The following SNX17 variants were observed in gnomAD, a reference collection of about 807,000 sequenced individuals.
The protein encoded by SNX17 is sorting nexin-17.
Under a neutral mutation model 64.3 loss-of-function variants are expected in SNX17, and 35 were observed. That is an observed-to-expected ratio of 0.54 (90% confidence interval 0.42 to 0.72). The LOEUF (loss-of-function observed/expected upper bound fraction) is 0.72. Ranked by LOEUF, SNX17 falls within the 30% of genes least tolerant of loss-of-function variation. The probability of loss-of-function intolerance (pLI) is 0.00; values close to 1 mark genes in which losing one functional copy is unlikely to be tolerated. For missense variants in SNX17, 538 were observed against 610.0 expected, an observed-to-expected ratio of 0.88 and a Z score of 1.24; for synonymous variants, 259 against 230.2, an observed-to-expected ratio of 1.13 and a Z score of -1.13.
chr2:27,375,872 CAGCCCA>C lies in SNX17; in HGVS notation c.1006_1011del (p.Ser336_Pro337del), dbSNP rs763734832. On this transcript the variant is annotated inframe_deletion, in exon 11 of 15. Transcript: ENST00000233575. The surrounding 1 kb of genome is among the most constrained non-coding windows in gnomAD (Gnocchi z 4.1). ...TACCATTGCCCAGTGGAAGCACGAG[CAGCCCA>C]GGCCGGGGCCGGGGTGAGGTGCGCC... 23 of 1,614,010 alleles carry C rather than the reference CAGCCCA, an allele frequency of 1.4e-5. No individual in the cohort carries two copies. Among genetic ancestry groups the C allele is most frequent in the South Asian group, 6.6e-5 (6 of 91,078 alleles).
chr2:27,377,374 G>T lies in SNX17; in HGVS notation c.*655G>T. 1 of 750,962 alleles carries T rather than the reference G, an allele frequency of 1.3e-6. No individual in the cohort carries two copies. Among genetic ancestry groups the T allele is most frequent in the Non-Finnish European group, 2.3e-6 (1 of 429,492 alleles). The allele number at this position is 750,962 out of a possible 1,614,324, so 46.5% of individuals were successfully genotyped here. ...ACAGGGCCCTTCTCACTGAGCTCGT[G>T]AAGTGCCTCAGTCAAGGCAAGGTCC... On this transcript the variant is annotated 3_prime_UTR_variant, in exon 15 of 15. Coordinates refer to ENST00000233575, the MANE Select transcript of SNX17 (RefSeq NM_014748.4). This position sits in a 1 kb window ranked among gnomAD's most constrained non-coding sequence, Gnocchi z 4.4.
chr2:27,374,651 T>C (rs1682984542), intron 7 of SNX17, 38 bp from the exon 8 acceptor site: 1 of 1,599,148 alleles, frequency 6.3e-7, no homozygotes, highest in Non-Finnish European at 8.6e-7. Context: ...TTAACCCAGC[T>C]TAGCCCCATT....
intron 8 of SNX17, 139 bp downstream of exon 8, chr2:27,374,897 A>G (rs2148401865): frequency 4.1e-6 from 4 of 973,578 alleles, no homozygotes; most frequent in East Asian, 2.5e-5. Flanking sequence ...CTGGCACAAT[A>G]TCTACTCTCC....
chr2:27,375,497 ATTT>A lies in SNX17; in HGVS notation c.775-6_775-4del. 6.2e-7 allele frequency: 1 copy of A among 1,613,672 alleles called. No homozygotes were observed. Among genetic ancestry groups the A allele is most frequent in the Non-Finnish European group, 8.5e-7 (1 of 1,179,950 alleles). Reference sequence around the variant, plus strand: ...CCTAATCTACCCCCATGTGATGACCATTTTTCAGTTCCTGAGACTGGCCCAGAC... The same window carrying A: ...CCTAATCTACCCCCATGTGATGACCATTCAGTTCCTGAGACTGGCCCAGAC... On this transcript the variant is annotated splice_region_variant and splice_polypyrimidine_tract_variant and intron_variant, in intron 9 of 14. Coordinates refer to ENST00000233575, the MANE Select transcript of SNX17 (RefSeq NM_014748.4). The surrounding 1 kb of genome is among the most constrained non-coding windows in gnomAD (Gnocchi z 4.1).
chr2:27,375,093 G>C lies in SNX17; in HGVS notation c.714G>C (p.Leu238Phe). The C allele has an allele frequency of 6.2e-7, 1 of 1,614,124 alleles. No individual in the cohort carries two copies. Among genetic ancestry groups the C allele is most frequent in the Non-Finnish European group, 8.5e-7 (1 of 1,180,022 alleles). Residue 238 changes from leucine (L) to phenylalanine (F), a missense_variant, in exon 9 of 15, where the codon TTG (leucine) becomes TTC (phenylalanine). Physicochemically the swap from Leu to Phe is conservative, Grantham distance 22 (BLOSUM62 0). This residue lies in a region of SNX17 where 505 missense variants were observed against 550.4 expected (regional missense o/e 0.92). Coordinates refer to ENST00000233575, the MANE Select transcript of SNX17 (RefSeq NM_014748.4). The surrounding 1 kb of genome is among the most constrained non-coding windows in gnomAD (Gnocchi z 4.1). ...CAGATATTGAGCGTGGGTGGATCTT[G>C]GTCACCAAGGAACAGCACCGGCAAC... Reference protein sequence around the residue: ...TVSDIERGWILVTKEQHRQLK... With the variant: ...TVSDIERGWIFVTKEQHRQLK...
rs768687268 is a variant in SNX17, at chr2:27,370,700, G to A, written c.-44G>A. 9 of 1,519,936 alleles carry A rather than the reference G, an allele frequency of 5.9e-6. No individual in the cohort carries two copies. Among genetic ancestry groups the A allele is most frequent in the Non-Finnish European group, 8.0e-6 (9 of 1,127,588 alleles). 94.2% of individuals were successfully genotyped at this position (1,519,936 alleles called of 1,614,324 possible). A position where few individuals can be genotyped will look rare whatever the true frequency, so the allele number is the denominator to read the frequency against. ...GAGGGGGAGCGTGCAGAGCCGCTGC[G>A]GCCCTCACAGTCCGGAGCCCGGCCG... On this transcript the variant is annotated 5_prime_UTR_variant, in exon 1 of 15. Coordinates refer to ENST00000233575, the MANE Select transcript of SNX17 (RefSeq NM_014748.4).
rs1164560767 is a variant in SNX17 at position 27,375,125 on chromosome 2, C to T, written c.746C>T (p.Ser249Phe). ...VTKEQHRQLK[S>F]LQEKVSKKEF... ...AAGGAACAGCACCGGCAACTCAAATCTCTGCAAGAGAAAGTCTCCAAGAAG... is the reference window on the plus strand; with the variant it reads ...AAGGAACAGCACCGGCAACTCAAATTTCTGCAAGAGAAAGTCTCCAAGAAG... Residue 249 changes from serine to phenylalanine, a missense_variant, in exon 9 of 15, where the codon TCT (serine) becomes TTT (phenylalanine). Physicochemically the swap from Ser to Phe is radical, Grantham distance 155 (BLOSUM62 -2). Around this residue, in one of 3 missense-constraint regions of SNX17, gnomAD observed 505 missense variants for 550.4 expected, o/e 0.92. Coordinates refer to ENST00000233575, the MANE Select transcript of SNX17 (RefSeq NM_014748.4). The surrounding 1 kb of genome is among the most constrained non-coding windows in gnomAD (Gnocchi z 4.1). 6.2e-7 allele frequency: 1 copy of T among 1,614,112 alleles called. No individual in the cohort carries two copies. Among genetic ancestry groups the T allele is most frequent in the Admixed American group, 1.7e-5 (1 of 60,012 alleles).
rs145591067 is a variant in SNX17, at chr2:27,372,645, A to G, written c.161A>G (p.Asn54Ser). ...HEQLRKEYGA[N>S]VLPAFPPKKL... Reference sequence around the variant, plus strand: ...TAGCTTCGGAAGGAGTATGGGGCCAATGTGCTTCCTGCATTCCCCCCAAAG... The same window carrying G: ...TAGCTTCGGAAGGAGTATGGGGCCAGTGTGCTTCCTGCATTCCCCCCAAAG... Residue 54 changes from asparagine (N) to serine (S), a missense_variant, in exon 3 of 15, where the codon AAT becomes AGT. Transcript: ENST00000233575. 24 of 1,614,092 alleles carry G rather than the reference A, an allele frequency of 1.5e-5. No homozygotes were observed. Among genetic ancestry groups the G allele is most frequent in the African/African-American group, 4.0e-5 (3 of 74,924 alleles).
chr2:27,375,286 C>T lies in SNX17; in HGVS notation c.774+133C>T. ...CCCGAGTAGCTGGGACTACAGGCAC[C>T]CGCCACGACGCCCGGCTAATTTTTT... On this transcript the variant is annotated intron_variant, in intron 9 of 14. Transcript: ENST00000233575. The surrounding 1 kb of genome is among the most constrained non-coding windows in gnomAD (Gnocchi z 4.1). 1.1e-6 allele frequency: 1 copy of T among 912,280 alleles called. No individual in the cohort carries two copies. The allele number at this position is 912,280 out of a possible 1,614,324, so 56.5% of individuals were successfully genotyped here. A position where few individuals can be genotyped will look rare whatever the true frequency, so the allele number is the denominator to read the frequency against.
chr2:27,376,065 G>A, intron 11 of SNX17, 41 bp from the exon 12 acceptor site: 2 of 1,613,986 alleles, frequency 1.2e-6, no homozygotes, highest in Non-Finnish European at 8.5e-7. Flanking sequence ...TGGGCTCAGA[G>A]TGACCACTCT....
Position 27,374,279 on chromosome 2 carries a change from ACTT to A in SNX17, c.524-63_524-61del, listed in dbSNP as rs965430259. On this transcript the variant is annotated intron_variant, in intron 6 of 14. Transcript: ENST00000233575. Reference sequence around the variant, plus strand: ...CCCAGAATGAACATTGCCTCAGGGCACTTCTTTCTTGATTTCCCTTCCTTTAAA... The same window carrying A: ...CCCAGAATGAACATTGCCTCAGGGCACTTTCTTGATTTCCCTTCCTTTAAA... 1.6e-5 allele frequency: 22 copies of A among 1,384,382 alleles called. No individual in the cohort carries two copies. In the African/African-American group the frequency reaches 2.5e-4, roughly 16 times the overall value. 85.8% of individuals were successfully genotyped at this position (1,384,382 alleles called of 1,614,324 possible). A position where few individuals can be genotyped will look rare whatever the true frequency, so the allele number is the denominator to read the frequency against.
chr2:27,377,319 C>G lies in SNX17; in HGVS notation c.*600C>G. On this transcript the variant is annotated 3_prime_UTR_variant, in exon 15 of 15. Coordinates refer to ENST00000233575, the MANE Select transcript of SNX17 (RefSeq NM_014748.4). The surrounding 1 kb of genome is among the most constrained non-coding windows in gnomAD (Gnocchi z 4.4). Reference sequence around the variant, plus strand: ...CTGGGCAGTCCCCCAGCCGGTTTGTCCACAGCCCCTGGGGGCAGTGGAGGT... The same window carrying G: ...CTGGGCAGTCCCCCAGCCGGTTTGTGCACAGCCCCTGGGGGCAGTGGAGGT... 1.5e-6 allele frequency: 1 copy of G among 678,640 alleles called. No individual in the cohort carries two copies. The highest frequency in any genetic ancestry group is 1.6e-5 in the South Asian group (1 of 64,208). 42.0% of individuals were successfully genotyped at this position (678,640 alleles called of 1,614,324 possible).
intron 4 of SNX17, chr2:27,373,555 GT>G: frequency 1.9e-6 from 1 of 536,094 alleles, no homozygotes; most frequent in South Asian, 2.1e-5. Flanking sequence ...TGGAGACGGG[GT>G]TTTGCCGTGT....
Position 27,375,027 on chromosome 2 carries a change from ACCT to A in SNX17, c.682-30_682-28del. The A allele has an allele frequency of 1.3e-6, 2 of 1,584,170 alleles. No individual in the cohort carries two copies. Among genetic ancestry groups the A allele is most frequent in the African/African-American group, 1.3e-5 (1 of 74,334 alleles). On this transcript the variant is annotated intron_variant, in intron 8 of 14. Transcript: ENST00000233575. The surrounding 1 kb of genome is among the most constrained non-coding windows in gnomAD (Gnocchi z 4.1). ...CGCTTTCCTTGGATTGCTGACTGGGACCTCCTACTGCCTGCCCCTTGTCTCTAC... is the reference window on the plus strand; with the variant it reads ...CGCTTTCCTTGGATTGCTGACTGGGACCTACTGCCTGCCCCTTGTCTCTAC...
intron 1 of SNX17, 131 bp downstream of exon 1, chr2:27,370,937 C>G (rs1400723561): frequency 1.3e-5 from 13 of 1,031,562 alleles, no homozygotes; most frequent in Non-Finnish European, 1.8e-5. Flanking sequence ...TCCCGACGGC[C>G]TCTCTGGGAG....
intron 4 of SNX17, among the ~76,000 whole-genome samples, chr2:27,373,629 C>T (rs1444877689): frequency 6.6e-6 from 1 of 152,200 alleles, no homozygotes; most frequent in Non-Finnish European, 1.5e-5. Flanking sequence ...TCCCAAAGTG[C>T]TGGGATTACG....
At chr2:27,372,772 A>G (rs762869237) in intron 3 of SNX17, 32 bp downstream of exon 3, 2 of 1,613,458 alleles carry the variant, frequency 1.2e-6, no homozygotes, top group East Asian at 4.5e-5. Flanking sequence ...GGTTGACTAT[A>G]TTGAGGACTA....
chr2:27,372,393 G>C (rs1454543599), intron 2 of SNX17, among the ~76,000 whole-genome samples: 1 of 152,176 alleles, frequency 6.6e-6, no homozygotes, highest in Non-Finnish European at 1.5e-5. Context: ...TCCCCGTACT[G>C]TGGAGGGGCT....
chr2:27,373,752 T>C (rs1163930898), intron 4 of SNX17, 109 bp from the exon 5 acceptor site: 2 of 735,374 alleles, frequency 2.7e-6, no homozygotes, highest in African/African-American at 1.8e-5. Context: ...ACAGCCTATA[T>C]TTAAGCAGCT....
Sources: allele counts gnomAD v4.1 joint callset (sites outside exome capture counted in the v4.1 genomes callset), GRCh38; gene constraint gnomAD v4.1.1; regional missense constraint gnomAD v4.1.1; non-coding constraint Gnocchi (gnomAD v3.1); transcripts MANE v1.5; gene names NCBI Gene and HGNC (gene_info 2026-07-23, HGNC 2026-07-21).